The following KRT5 variants were observed in gnomAD, a reference collection of about 807,000 sequenced individuals.
KRT5 encodes the protein keratin, type II cytoskeletal 5.
Under a neutral mutation model 44.0 loss-of-function variants are expected in KRT5, and 17 were observed. That is an observed-to-expected ratio of 0.39 (90% CI 0.26 to 0.58). The LOEUF (loss-of-function observed/expected upper bound fraction) is 0.58. Among genes scored for constraint, KRT5 ranks in the 20% least tolerant of loss-of-function variants. The pLI, the probability that KRT5 is intolerant of heterozygous loss-of-function variation, is 0.61. For missense variants in KRT5, 737 were observed against 785.5 expected (o/e 0.94, Z 0.74); for synonymous variants, 329 against 312.8 (o/e 1.05, Z -0.55).
At position 52,520,241 on chromosome 12, in the gene KRT5, G is replaced by T; in HGVS notation, c.56C>A (p.Thr19Asn). The T allele has an allele frequency of 6.2e-7, 1 of 1,614,020 alleles. No homozygotes were observed. Among genetic ancestry groups the T allele is most frequent in the South Asian group, 1.1e-5 (1 of 91,072 alleles). Residue 19 changes from threonine (T) to asparagine (N), a missense_variant, in exon 1 of 9, where the codon ACC becomes AAC. Transcript: ENST00000252242. ...FRSGGSRSFS[T>N]ASAITPSVSR... ...GACAGACGGGGTGATGGCAGAGGCG[G>T]TGCTGAAGCTACGACTGCCCCCGCT...
rs753357425 is a variant in KRT5, at chr12:52,520,325, A to G, written c.-29T>C. 6.8e-6 allele frequency: 11 copies of G among 1,608,128 alleles called. No individual in the cohort carries two copies. In the Admixed American group the frequency reaches 1.0e-4, roughly 15 times the overall value. On this transcript the variant is annotated 5_prime_UTR_variant, in exon 1 of 9. Coordinates refer to ENST00000252242, the MANE Select transcript of KRT5 (RefSeq NM_000424.4). ...GGCTTGTTCCTGGTGGAGCAAGAGA[A>G]CCAGGCACTAGTGGGTTGGGAGGTG...
rs11549956 is a variant in KRT5 at position 52,515,368 on chromosome 12, G to A, written c.1475-128C>T. The A allele has an allele frequency of 1.7e-5, 23 of 1,327,220 alleles. 1 individual carries two copies. Among genetic ancestry groups the A allele is most frequent in the East Asian group, 6.9e-5 (3 of 43,594 alleles). The allele number at this position is 1,327,220 out of a possible 1,614,324, so 82.2% of individuals were successfully genotyped here. A position where few individuals can be genotyped will look rare whatever the true frequency, so the allele number is the denominator to read the frequency against. On this transcript the variant is annotated intron_variant, in intron 8 of 8. Coordinates refer to ENST00000252242, the MANE Select transcript of KRT5 (RefSeq NM_000424.4). Reference sequence around the variant, plus strand: ...CTTTACAGAGTAGCAAACAAGGCCCGGAAGAACTGTCATTTAATTAAGGTC... The same window carrying A: ...CTTTACAGAGTAGCAAACAAGGCCCAGAAGAACTGTCATTTAATTAAGGTC...
intron 7 of KRT5, chr12:52,516,108 T>C (rs1413944202): frequency 1.8e-6 from 1 of 558,578 alleles, no homozygotes; most frequent in African/African-American, 1.9e-5. Context: ...AATGTGATTA[T>C]GTCGAAAGCA....
rs1392181811 is a variant in KRT5, at chr12:52,520,340, G to A, written c.-44C>T. The A allele has an allele frequency of 6.3e-7, 1 of 1,586,590 alleles. No individual in the cohort carries two copies. The highest frequency in any genetic ancestry group is 1.3e-5 in the African/African-American group (1 of 74,348). On this transcript the variant is annotated 5_prime_UTR_variant, in exon 1 of 9. Transcript: ENST00000252242. ...GAGCAAGAGAACCAGGCACTAGTGG[G>A]TTGGGAGGTGCTGGAGAGAACAGAG...
intron 8 of KRT5, 145 bp from the exon 9 acceptor site, chr12:52,515,385 A>G (rs3847840): frequency 0.13 from 150,432 of 1,191,180 alleles, 10,340 homozygotes; most frequent in Middle Eastern, 0.19. Flanking sequence ...CTGTCATTTA[A>G]TTAAGGTCCC....
chr12:52,517,985 TC>T lies in KRT5; in HGVS notation c.838del (p.Asp280MetfsTer5). 6.2e-7 allele frequency: 1 copy of T among 1,613,714 alleles called. No individual in the cohort carries two copies. The highest frequency in any genetic ancestry group is 2.2e-5 in the East Asian group (1 of 44,880). Reference protein sequence around the residue: ...NEFVMLKKDVDAAYMNKVELE... With the variant: ...NEFVMLKKDVXAAYMNKVELE... The stretch of plus-strand genomic sequence containing the variant: ...CTCCACCTTGTTCATGTAGGCAGCA[TC>T]TACATCCTGGGGAAACAGGGATGAT... On this transcript the variant is annotated frameshift_variant, in exon 4 of 9. Transcript: ENST00000252242. LOFTEE classifies it high-confidence loss of function.
Position 52,519,161 on chromosome 12 carries a change from C to T in KRT5, c.556-1G>A. 6.2e-7 allele frequency: 1 copy of T among 1,614,164 alleles called. No individual in the cohort carries two copies. The highest frequency in any genetic ancestry group is 8.5e-7 in the Non-Finnish European group (1 of 1,180,030). ...TGTTCTGCTGCTCCAGGAACCGCAC[C>T]TGGAGGGGAGCAGGGTTTGAAGATA... On this transcript the variant is annotated splice_acceptor_variant, in intron 1 of 8. Transcript: ENST00000252242. LOFTEE classifies it high-confidence loss of function.
Position 52,517,109 on chromosome 12 carries a change from G to T in KRT5, c.1216C>A (p.Gln406Lys), listed in dbSNP as rs778602599. 50 of 1,613,988 alleles carry T rather than the reference G, an allele frequency of 3.1e-5. No homozygotes were observed. Among genetic ancestry groups the T allele is most frequent in the Non-Finnish European group, 4.2e-5 (49 of 1,180,026 alleles). ...LRAEIDNVKK[Q>K]CANLQNAIAD... ...GCCCTCTTTCAATCTCACCCTACCT[G>T]TTTCTTGACATTGTCAATCTCGGCT... The change falls in exon 6 of 9, where the codon CAG becomes AAG. Residue 406 changes from glutamine to lysine, a missense_variant and splice_region_variant. Transcript: ENST00000252242.
chr12:52,516,570 C>T (rs866876960), intron 7 of KRT5, 67 bp downstream of exon 7: 10 of 1,424,684 alleles, frequency 7.0e-6, no homozygotes, highest in Middle Eastern at 2.1e-4. Flanking sequence ...GTGTGTTGTA[C>T]ACCCCACAGT....
intron 1 of KRT5, chr12:52,519,461 A>G (rs570888765): frequency 1.1e-5 from 7 of 625,242 alleles, no homozygotes; most frequent in Admixed American, 5.6e-5. Context: ...CTTCCTGTAC[A>G]GTCAGCCCCT....
At chr12:52,517,086 C>G (rs1265384943) in intron 6 of KRT5, 21 bp downstream of exon 6, 1 of 1,613,988 alleles carries the variant, frequency 6.2e-7, no homozygotes, top group Non-Finnish European at 8.5e-7. Context: ...CCTTCCTTGC[C>G]CTCTTTCAAT....
chr12:52,514,854 TA>T lies in KRT5; in HGVS notation c.*87del. ...GTCTAGACTACTCTCCAGAAAAGGA[TA>T]AAACATGGCTTGAGCAACTGCCTAG... On this transcript the variant is annotated 3_prime_UTR_variant, in exon 9 of 9. Coordinates refer to ENST00000252242, the MANE Select transcript of KRT5 (RefSeq NM_000424.4). 8.4e-7 allele frequency: 1 copy of T among 1,188,192 alleles called. No homozygotes were observed. Among genetic ancestry groups the T allele is most frequent in the Non-Finnish European group, 1.2e-6 (1 of 803,874 alleles). 73.6% of individuals were successfully genotyped at this position (1,188,192 alleles called of 1,614,324 possible).
At chr12:52,518,665 C>A (rs1938658037) in intron 2 of KRT5, among the ~76,000 whole-genome samples, 1 of 152,196 alleles carries the variant, frequency 6.6e-6, no homozygotes, top group African/African-American at 2.4e-5. Flanking sequence ...AGAGAGCAAG[C>A]CTTACATCAG....
chr12:52,519,358 G>A (rs139683621), intron 1 of KRT5, among the ~76,000 whole-genome samples, 198 bp from the exon 2 acceptor site: 1 of 152,318 alleles, frequency 6.6e-6, no homozygotes, highest in African/African-American at 2.4e-5. Flanking sequence ...ACCTATCCAG[G>A]GCACAGAAAG....
chr12:52,519,125 G>A lies in KRT5; in HGVS notation c.591C>T (p.Asp197=). Residue 197 remains aspartate (D), a synonymous_variant, in exon 2 of 9, where the codon GAC becomes GAT. Coordinates refer to ENST00000252242, the MANE Select transcript of KRT5 (RefSeq NM_000424.4). The stretch of plus-strand genomic sequence containing the variant: ...GCTCCTGCAGCAGGGTCCACTTGGT[G>A]TCCAGAACCTTGTTCTGCTGCTCCA... ...RFLEQQNKVL[D]TKWTLLQEQG... is the part of the protein sequence containing the mutation. 6.2e-7 allele frequency: 1 copy of A among 1,610,954 alleles called. No individual in the cohort carries two copies. Among genetic ancestry groups the A allele is most frequent in the Non-Finnish European group, 8.5e-7 (1 of 1,177,336 alleles).
At position 52,515,088 on chromosome 12, in the gene KRT5, C is replaced by T. The variant is rs11549949; in HGVS notation, c.1627G>A (p.Gly543Ser). 0.13 allele frequency: 213,871 copies of T among 1,611,946 alleles called. 15,023 individuals are homozygous for T. Among genetic ancestry groups the T allele is most frequent in the Middle Eastern group, 0.19 (1,153 of 6,058 alleles). Reference protein sequence around the residue: ...YSSSSGGVGLGGGLSVGGSGF... With the variant: ...YSSSSGGVGLSGGLSVGGSGF... ...GAGCCCCCCACACTGAGCCCACCAC[C>T]TAGGCCGACACCCCCACTGCTGCTG... Residue 543 changes from glycine to serine, a missense_variant, in exon 9 of 9, where the codon GGT becomes AGT. Gly to Ser is a moderately conservative substitution (Grantham distance 56, BLOSUM62 0). This residue lies in a region of KRT5 where 344 missense variants were observed against 351.6 expected (regional missense o/e 0.98). Coordinates refer to ENST00000252242, the MANE Select transcript of KRT5 (RefSeq NM_000424.4).
intron 7 of KRT5, chr12:52,516,083 A>G (rs1332460513): frequency 3.4e-6 from 2 of 580,222 alleles, no homozygotes; most frequent in Non-Finnish European, 6.1e-6. Flanking sequence ...TGGGGAAAGT[A>G]TAAGAGATTT....
At position 52,517,175 on chromosome 12, in the gene KRT5, G is replaced by C. The variant is rs11549953; in HGVS notation, c.1150C>G (p.His384Asp). 5 of 1,614,048 alleles carry C rather than the reference G, an allele frequency of 3.1e-6. No individual in the cohort carries two copies. The highest frequency in any genetic ancestry group is 4.2e-6 in the Non-Finnish European group (5 of 1,179,964). Reference sequence around the variant, plus strand: ...ATCCGGTTCATCTCAGAGATCTCATGCTTGGTGTTGCGGAGGTCATCGCCA... The same window carrying C: ...ATCCGGTTCATCTCAGAGATCTCATCCTTGGTGTTGCGGAGGTCATCGCCA... ...RHGDDLRNTKHEISEMNRMIQ... is the reference protein window; with the variant it reads ...RHGDDLRNTKDEISEMNRMIQ... The change falls in exon 6 of 9, where the codon CAT (histidine) becomes GAT (aspartate). Residue 384 changes from histidine to aspartate, a missense_variant. Transcript: ENST00000252242.
Position 52,516,630 on chromosome 12 carries a change from T to C in KRT5, c.1439+7A>G, listed in dbSNP as rs762914663. On this transcript the variant is annotated splice_region_variant and intron_variant, in intron 7 of 8. Transcript: ENST00000252242. Reference sequence around the variant, plus strand: ...AAGGCCATCTTGAGTTCATGCTGTCTACTCACCTGCATTCCTCGCCCTCCA... The same window carrying C: ...AAGGCCATCTTGAGTTCATGCTGTCCACTCACCTGCATTCCTCGCCCTCCA... 2 of 1,613,832 alleles carry C rather than the reference T, an allele frequency of 1.2e-6. No individual in the cohort carries two copies. The highest frequency in any genetic ancestry group is 2.7e-5 in the African/African-American group (2 of 74,938).
Sources: gnomAD v4.1 joint callset for allele counts (sites outside exome capture counted in the v4.1 genomes callset) on GRCh38, gnomAD v4.1.1 for gene constraint, gnomAD v4.1.1 regional missense constraint, MANE v1.5 for transcripts, NCBI Gene and HGNC (gene_info 2026-07-23, HGNC 2026-07-21) for gene names.